Variants in ROBO2 observed in about 807,000 individuals in gnomAD.
ROBO2 encodes the protein roundabout homolog 2.
In ROBO2, 53 loss-of-function variants were observed where a neutral mutation model predicts 160.8. That is an observed-to-expected ratio of 0.33 (90% confidence interval 0.26 to 0.41). The LOEUF (loss-of-function observed/expected upper bound fraction) is 0.41. ROBO2 is among the 10% of genes least tolerant of loss of function. The pLI is 1.00. For synonymous variants in ROBO2, 664 were observed against 611.7 expected (o/e 1.09, Z -1.26); for missense variants, 1,577 against 1,722.4 (o/e 0.92, Z 1.49).
At chr3:76,965,302 C>T (rs1282583862) in intron 2 of ROBO2, among the ~76,000 whole-genome samples, 4 of 152,202 alleles carry the variant, frequency 2.6e-5, no homozygotes, top group South Asian at 4.1e-4. Flanking sequence ...GCTGTGCTTT[C>T]GCAAGCTGAC....
At chr3:77,320,906 G>GA (rs2064615742) in intron 2 of ROBO2, among the ~76,000 whole-genome samples, 1 of 152,070 alleles carries the variant, frequency 6.6e-6, no homozygotes, top group Non-Finnish European at 1.5e-5. Flanking sequence ...AAAAAGTTTA[G>GA]AAATCTTTTC....
At chr3:76,567,723 G>C (rs1338686132) in intron 2 of ROBO2, among the ~76,000 whole-genome samples, 2 of 120,046 alleles carry the variant, frequency 1.7e-5, no homozygotes, top group Non-Finnish European at 3.4e-5. Context: ...ATATATATAT[G>C]TCAGTATATA....
At chr3:77,193,448 GTT>G (rs552295952) in intron 2 of ROBO2, among the ~76,000 whole-genome samples, 2 of 121,594 alleles carry the variant, frequency 1.6e-5, no homozygotes, top group Non-Finnish European at 1.9e-5. Context: ...GCCCAGCTAA[GTT>G]TTTTTTTTTT....
At chr3:76,243,901 A>G (rs1421938696) in intron 2 of ROBO2, among the ~76,000 whole-genome samples, 22 of 152,212 alleles carry the variant, frequency 1.4e-4, no homozygotes, top group Non-Finnish European at 1.5e-4. Flanking sequence ...GTCTATTAGC[A>G]AAGTAGAGAA....
intron 2 of ROBO2, among the ~76,000 whole-genome samples, chr3:76,279,125 T>TTA (rs990220964): frequency 1.3e-4 from 20 of 150,504 alleles, no homozygotes; most frequent in Middle Eastern, 3.2e-3. Context: ...TATGGATATA[T>TTA]TATATATATA....
chr3:75,985,310 T>C (rs2065385789), intron 2 of ROBO2, among the ~76,000 whole-genome samples: 1 of 151,536 alleles, frequency 6.6e-6, no homozygotes, highest in African/African-American at 2.4e-5. Flanking sequence ...GTGAAATTTA[T>C]TATCTTAATT....
chr3:76,990,049 C>T (rs935530573), intron 2 of ROBO2, among the ~76,000 whole-genome samples: 5 of 151,428 alleles, frequency 3.3e-5, no homozygotes, highest in Non-Finnish European at 5.9e-5. Flanking sequence ...TTTCAAACTC[C>T]AGTAACTTGT....
intron 1 of ROBO2, 53 bp downstream of exon 1, chr3:77,040,899 C>G (rs532391511): frequency 1.2e-6 from 2 of 1,608,740 alleles, no homozygotes; most frequent in African/African-American, 2.7e-5. Context: ...CCCAATCCCC[C>G]AAAACCATTT....
At chr3:76,063,274 A>G (rs1015502025) in intron 2 of ROBO2, among the ~76,000 whole-genome samples, 2 of 151,824 alleles carry the variant, frequency 1.3e-5, no homozygotes, top group Non-Finnish European at 2.9e-5. Context: ...AAGTCTAAAA[A>G]TAGCTACCAT....
At chr3:77,166,008 G>A (rs369272994) in intron 2 of ROBO2, among the ~76,000 whole-genome samples, 2 of 152,274 alleles carry the variant, frequency 1.3e-5, no homozygotes, top group South Asian at 2.1e-4. Context: ...CCATTTGAGT[G>A]TGTTATTTGC....
chr3:77,233,567 T>C (rs551341656), intron 2 of ROBO2, among the ~76,000 whole-genome samples: 5 of 152,326 alleles, frequency 3.3e-5, no homozygotes, highest in East Asian at 1.9e-4. Flanking sequence ...TAGAAGCTAG[T>C]TGGGATTTAA....
At chr3:76,982,511 C>T (rs1282867804) in intron 2 of ROBO2, among the ~76,000 whole-genome samples, 2 of 152,124 alleles carry the variant, frequency 1.3e-5, no homozygotes, top group Non-Finnish European at 2.9e-5. Flanking sequence ...AATGTGAGGT[C>T]TCCAGCTTTG....
At chr3:76,447,933 C>A (rs1315135535) in intron 2 of ROBO2, among the ~76,000 whole-genome samples, 1 of 150,104 alleles carries the variant, frequency 6.7e-6, no homozygotes, top group Non-Finnish European at 1.5e-5. Context: ...AGGAGATATA[C>A]CTAATGTTAA....
intron 2 of ROBO2, among the ~76,000 whole-genome samples, chr3:77,028,718 C>CA (rs1429151985): frequency 1.3e-5 from 2 of 151,470 alleles, no homozygotes; most frequent in Admixed American, 6.6e-5. Flanking sequence ...GACTCCGTCT[C>CA]AAAAAAAAGA....
chr3:76,520,835 A>G (rs889336929), intron 2 of ROBO2, among the ~76,000 whole-genome samples: 18 of 152,274 alleles, frequency 1.2e-4, no homozygotes, highest in African/African-American at 2.4e-4. Context: ...TTGAATTTTA[A>G]AAAGGGCCTT....
At chr3:76,966,468 G>A (rs755147777) in intron 2 of ROBO2, among the ~76,000 whole-genome samples, 4 of 152,170 alleles carry the variant, frequency 2.6e-5, no homozygotes, top group Admixed American at 6.5e-5. Context: ...TACCAAGTCT[G>A]CTTTACATCT....
At chr3:76,222,728 C>G (rs72630380) in intron 2 of ROBO2, among the ~76,000 whole-genome samples, 1 of 151,808 alleles carries the variant, frequency 6.6e-6, no homozygotes, top group South Asian at 2.1e-4. Flanking sequence ...CAGACTGATC[C>G]AAGTTTATGT....
At chr3:76,453,673 T>G (rs1439643883) in intron 2 of ROBO2, among the ~76,000 whole-genome samples, 1 of 152,154 alleles carries the variant, frequency 6.6e-6, no homozygotes, top group African/African-American at 2.4e-5. Context: ...TAAATTCAAA[T>G]AAACCTTTCG....
chr3:76,296,439 A>G (rs938517868), intron 2 of ROBO2, among the ~76,000 whole-genome samples: 1 of 152,306 alleles, frequency 6.6e-6, no homozygotes, highest in East Asian at 1.9e-4. Flanking sequence ...TCCTTTCTCC[A>G]TGAGTACAGA....
Sources: allele counts gnomAD v4.1 joint callset (sites outside exome capture counted in the v4.1 genomes callset), GRCh38; gene constraint gnomAD v4.1.1; transcripts MANE v1.5; gene names NCBI Gene and HGNC (gene_info 2026-07-23, HGNC 2026-07-21).